ADGRB3: variants seen among roughly 807,000 people sequenced by gnomAD.
ADGRB3 encodes brain-specific angiogenesis inhibitor 3.
A neutral mutation model predicts 193.4 loss-of-function variants in ADGRB3; 37 were observed. The ratio of observed to expected loss-of-function variants is 0.19; its 90% confidence interval spans 0.15 to 0.25. ADGRB3 has a LOEUF of 0.25. ADGRB3 is among the 10% of genes least tolerant of loss of function. The pLI is 1.00. For missense variants in ADGRB3, 1,637 were observed against 1,852.9 expected (o/e 0.88, Z 2.14); for synonymous variants, 690 against 644.2 (o/e 1.07, Z -1.08).
At chr6:68,834,641 C>T (rs948945690) in intron 3 of ADGRB3, among the ~76,000 whole-genome samples, 2 of 152,168 alleles carry the variant, frequency 1.3e-5, no homozygotes, top group African/African-American at 2.4e-5. Flanking sequence ...AATTTCAACT[C>T]GATATTTCTC....
At chr6:68,862,949 T>C (rs535127023) in intron 3 of ADGRB3, among the ~76,000 whole-genome samples, 39 of 152,324 alleles carry the variant, frequency 2.6e-4, no homozygotes, top group African/African-American at 8.9e-4. Context: ...ATAACTTTGG[T>C]ATAGGTAAGT....
chr6:68,763,788 C>T (rs765767850), intron 3 of ADGRB3, among the ~76,000 whole-genome samples: 2 of 152,004 alleles, frequency 1.3e-5, no homozygotes, highest in East Asian at 3.9e-4. Context: ...GAGGCCGGTG[C>T]GGTGGCGGTG....
chr6:68,637,076 T>C (rs1384356354), intron 1 of ADGRB3, among the ~76,000 whole-genome samples: 2 of 152,154 alleles, frequency 1.3e-5, no homozygotes, highest in Non-Finnish European at 2.9e-5. Context: ...GCATTATTCA[T>C]TGAGCTATTT....
chr6:69,159,161 A>G (rs565713709), intron 17 of ADGRB3, among the ~76,000 whole-genome samples: 11 of 152,088 alleles, frequency 7.2e-5, no homozygotes, highest in Admixed American at 4.6e-4. Context: ...GCTCCCTCTA[A>G]TATATTTACT....
chr6:69,140,473 A>T (rs1774302478), intron 17 of ADGRB3, among the ~76,000 whole-genome samples: 1 of 152,180 alleles, frequency 6.6e-6, no homozygotes, highest in Admixed American at 6.5e-5. Flanking sequence ...TAGAATGATG[A>T]TTACTAGAAG....
intron 3 of ADGRB3, among the ~76,000 whole-genome samples, chr6:68,879,108 A>T (rs189221534): frequency 2.0e-5 from 3 of 152,088 alleles, no homozygotes; most frequent in Admixed American, 6.5e-5. Flanking sequence ...TGATTTATTG[A>T]CCAATTAACT....
chr6:68,994,258 A>G (rs1274957960), intron 11 of ADGRB3, among the ~76,000 whole-genome samples: 1 of 152,174 alleles, frequency 6.6e-6, no homozygotes, highest in Non-Finnish European at 1.5e-5. Context: ...GGTATCATGG[A>G]TATTTTATTC....
intron 3 of ADGRB3, among the ~76,000 whole-genome samples, chr6:68,873,583 G>A (rs2150220964): frequency 6.6e-6 from 1 of 152,028 alleles, no homozygotes; most frequent in South Asian, 2.1e-4. Context: ...TTATCCTGAG[G>A]GAAATTTCAT....
At chr6:69,369,795 A>G (rs1769668632) in intron 29 of ADGRB3, among the ~76,000 whole-genome samples, 1 of 152,102 alleles carries the variant, frequency 6.6e-6, no homozygotes, top group Admixed American at 6.6e-5. Flanking sequence ...ATTGCACATT[A>G]GAATGATTTC....
chr6:69,253,379 T>A (rs542281236), intron 20 of ADGRB3, among the ~76,000 whole-genome samples: 1 of 152,122 alleles, frequency 6.6e-6, no homozygotes, highest in East Asian at 1.9e-4. Flanking sequence ...ATTATATTGA[T>A]TGAATCTTCA....
intron 9 of ADGRB3, among the ~76,000 whole-genome samples, 182 bp from the exon 10 acceptor site, chr6:68,975,052 T>A (rs922704840): frequency 6.6e-6 from 1 of 152,224 alleles, no homozygotes; most frequent in African/African-American, 2.4e-5. Flanking sequence ...AAAATATTGC[T>A]GGTGTAATTG....
At position 69,331,990 on chromosome 6, in the gene ADGRB3, G is replaced by A; in HGVS notation, c.3103-933G>A. The A allele has an allele frequency of 5.1e-6, 5 of 985,272 alleles. No individual in the cohort carries two copies. In the South Asian group the frequency reaches 1.9e-4, roughly 37 times the overall value. The allele number at this position is 985,272 out of a possible 1,614,324, so 61.0% of individuals were successfully genotyped here. A position where few individuals can be genotyped will look rare whatever the true frequency, so the allele number is the denominator to read the frequency against. On this transcript the variant is annotated intron_variant, in intron 23 of 31. Coordinates refer to ENST00000370598, the MANE Select transcript of ADGRB3 (RefSeq NM_001704.3). Reference sequence around the variant, plus strand: ...TGCATCTTCCTTACGTTAGCAACTGGACACATTTTAGCTTTATATTCACCA... The same window carrying A: ...TGCATCTTCCTTACGTTAGCAACTGAACACATTTTAGCTTTATATTCACCA...
intron 3 of ADGRB3, among the ~76,000 whole-genome samples, chr6:68,655,735 A>G (rs1400037707): frequency 6.6e-6 from 1 of 151,634 alleles, no homozygotes; most frequent in Non-Finnish European, 1.5e-5. Context: ...TCCTTTTAAA[A>G]TGGACTAATC....
At chr6:69,333,226 A>C (rs1768765114) in intron 24 of ADGRB3, among the ~76,000 whole-genome samples, 1 of 152,206 alleles carries the variant, frequency 6.6e-6, no homozygotes, top group Non-Finnish European at 1.5e-5. Context: ...AGAAATTCGG[A>C]GTGTACTTGT....
intron 3 of ADGRB3, among the ~76,000 whole-genome samples, chr6:68,710,600 G>C (rs1283637956): frequency 1.3e-5 from 2 of 152,044 alleles, no homozygotes; most frequent in African/African-American, 4.8e-5. Flanking sequence ...CTGACACAAT[G>C]ACCTTGAGGG....
At chr6:69,031,523 T>TTCTC (rs1446444487) in intron 13 of ADGRB3, among the ~76,000 whole-genome samples, 1 of 46,658 alleles carries the variant, frequency 2.1e-5, no homozygotes, top group East Asian at 5.4e-3. Flanking sequence ...AGTTGTCTCT[T>TTCTC]TCTTTCTTTC....
intron 11 of ADGRB3, among the ~76,000 whole-genome samples, chr6:69,010,014 A>G (rs748393120): frequency 6.6e-6 from 1 of 152,198 alleles, no homozygotes; most frequent in Non-Finnish European, 1.5e-5. Context: ...TTTCCATAAA[A>G]TAAAGTGTCC....
intron 3 of ADGRB3, among the ~76,000 whole-genome samples, chr6:68,726,712 G>A (rs1452513148): frequency 2.6e-5 from 4 of 151,620 alleles, no homozygotes; most frequent in Non-Finnish European, 5.9e-5. Flanking sequence ...ATCCTGTTTT[G>A]TAAGATTCTG....
intron 10 of ADGRB3, among the ~76,000 whole-genome samples, chr6:68,993,340 A>T (rs1769292974): frequency 1.3e-5 from 2 of 152,182 alleles, no homozygotes; most frequent in African/African-American, 4.8e-5. Flanking sequence ...GAGGTAAGGC[A>T]AAAGTTAATA....
Sources: allele counts gnomAD v4.1 joint callset (sites outside exome capture counted in the v4.1 genomes callset), GRCh38; gene constraint gnomAD v4.1.1; transcripts MANE v1.5; gene names NCBI Gene and HGNC (gene_info 2026-07-23, HGNC 2026-07-21).